The following ZMIZ1 variants were observed in gnomAD, a reference collection of about 807,000 sequenced individuals.
The protein encoded by ZMIZ1 is zinc finger MIZ-type containing 1, also known as zinc finger MIZ domain-containing protein 1.
ZMIZ1 carries 17 observed loss-of-function variants against 113.9 expected under a neutral mutation model. The observed-to-expected ratio is 0.15, with a 90% CI of 0.10 to 0.22. The LOEUF is 0.22. ZMIZ1 is among the 10% of genes least tolerant of loss of function. The pLI, the probability that ZMIZ1 is intolerant of heterozygous loss-of-function variation, is 1.00. For synonymous variants in ZMIZ1, 607 were observed against 603.1 expected, an observed-to-expected ratio of 1.01 and a Z score of -0.09; for missense variants, 1,059 against 1,477.8, an observed-to-expected ratio of 0.72 and a Z score of 4.65.
intron 1 of ZMIZ1, among the ~76,000 whole-genome samples, chr10:79,104,769 G>A (rs59232207): frequency 1.3e-5 from 2 of 152,282 alleles, no homozygotes; most frequent in East Asian, 1.9e-4. Flanking sequence ...CGCTGGCCAC[G>A]GCACTCTGAG....
intron 3 of ZMIZ1, among the ~76,000 whole-genome samples, chr10:79,147,701 C>G (rs1362854566): frequency 1.3e-5 from 2 of 152,218 alleles, no homozygotes; most frequent in African/African-American, 4.8e-5. Flanking sequence ...CACTGCCATT[C>G]CAGGAGGATG....
At chr10:79,266,674 C>T (rs554577598) in intron 7 of ZMIZ1, among the ~76,000 whole-genome samples, 24 of 152,234 alleles carry the variant, frequency 1.6e-4, no homozygotes, top group East Asian at 5.8e-4. Context: ...GCCCCCGGTC[C>T]GAGGACTGTG....
At chr10:79,298,302 G>C in intron 14 of ZMIZ1, 104 bp from the exon 15 acceptor site, 1 of 1,297,744 alleles carries the variant, frequency 7.7e-7, no homozygotes, top group Non-Finnish European at 1.1e-6. Flanking sequence ...CTCCCGAGGG[G>C]CATGGCTCCA....
intron 7 of ZMIZ1, among the ~76,000 whole-genome samples, chr10:79,217,279 G>C (rs2132717181): frequency 6.6e-6 from 1 of 152,292 alleles, no homozygotes; most frequent in East Asian, 1.9e-4. Context: ...AAAAAAATTA[G>C]CCGGGTGTGG....
intron 4 of ZMIZ1, among the ~76,000 whole-genome samples, chr10:79,164,876 C>T (rs778334566): frequency 4.6e-5 from 7 of 152,110 alleles, no homozygotes; most frequent in Admixed American, 1.3e-4. Flanking sequence ...CTGCACTGAT[C>T]GGGAGGAAGC....
rs138671574 is a variant in ZMIZ1, at chr10:79,291,398, G to T, written c.758+222G>T. 9.3e-3 allele frequency among the ~76,000 whole-genome samples: 1,422 copies of T among 152,384 alleles called. 25 individuals carry two copies. The highest frequency in any genetic ancestry group is 0.032 in the African/African-American group (1,311 of 41,602). On this transcript the variant is annotated intron_variant, in intron 10 of 24. Transcript: ENST00000334512. Reference sequence around the variant, plus strand: ...CTGTGTTCTGACAGTCGTCAGACTCGTAGAAATAGAGAGGTGACATTCTTA... The same window carrying T: ...CTGTGTTCTGACAGTCGTCAGACTCTTAGAAATAGAGAGGTGACATTCTTA...
At chr10:79,137,701 A>G (rs913478062) in intron 2 of ZMIZ1, among the ~76,000 whole-genome samples, 3 of 152,108 alleles carry the variant, frequency 2.0e-5, no homozygotes, top group Admixed American at 1.3e-4. Context: ...TTGCACCTGG[A>G]AGGGCTAGGG....
rs1589386608 is a variant in ZMIZ1 at position 79,181,145 on chromosome 10, C to T, written c.-50+19012C>T. Among the ~76,000 whole-genome samples, 4 of 152,252 alleles carry T rather than the reference C, an allele frequency of 2.6e-5. No homozygotes were observed. The South Asian group carries it at 8.3e-4, about 32-fold the overall frequency. On this transcript the variant is annotated intron_variant, in intron 4 of 24. Transcript: ENST00000334512. ...GTGTGGCCCTGCGTCCTGAGTCTCC[C>T]TGCTAGAGCAGGCTTGGGCAGGAGC...
At chr10:79,255,407 C>T (rs1850823976) in intron 7 of ZMIZ1, among the ~76,000 whole-genome samples, 2 of 152,236 alleles carry the variant, frequency 1.3e-5, no homozygotes, top group African/African-American at 2.4e-5. Context: ...TCTGCTGAAG[C>T]ATGGGTATGA....
intron 7 of ZMIZ1, among the ~76,000 whole-genome samples, chr10:79,223,395 G>A (rs1849069558): frequency 6.6e-6 from 1 of 152,332 alleles, no homozygotes; most frequent in South Asian, 2.1e-4. Flanking sequence ...CTTCTTCCTG[G>A]ACACCGGCCC....
chr10:79,305,395 G>A, intron 20 of ZMIZ1, 138 bp from the exon 21 acceptor site: 1 of 1,217,174 alleles, frequency 8.2e-7, no homozygotes, highest in Non-Finnish European at 1.2e-6. Flanking sequence ...GTATCACGCG[G>A]TCAGAGTCCC....
rs564442191 is a variant in ZMIZ1, at chr10:79,170,541, G to A, written c.-50+8408G>A. On this transcript the variant is annotated intron_variant, in intron 4 of 24. Coordinates refer to ENST00000334512, the MANE Select transcript of ZMIZ1 (RefSeq NM_020338.4). ...AGGCCCTAACTCTGCAGGCATTAGCGGAGTCCACTCAGATCTGAGATCTTT... is the reference window on the plus strand; with the variant it reads ...AGGCCCTAACTCTGCAGGCATTAGCAGAGTCCACTCAGATCTGAGATCTTT... Among the ~76,000 whole-genome samples, 21 of 152,284 alleles carry A rather than the reference G, an allele frequency of 1.4e-4. No homozygotes were observed. In the East Asian group the frequency reaches 3.7e-3, roughly 27 times the overall value.
chr10:79,150,428 C>T (rs1252704344), intron 3 of ZMIZ1, among the ~76,000 whole-genome samples: 1 of 152,264 alleles, frequency 6.6e-6, no homozygotes, highest in African/African-American at 2.4e-5. Flanking sequence ...GCCCGTCCTG[C>T]ACCCCCCACA....
Position 79,118,461 on chromosome 10 carries a change from A to T in ZMIZ1, c.-336-454A>T, listed in dbSNP as rs118096364. Among the ~76,000 whole-genome samples the T allele has an allele frequency of 1.8e-3, 277 of 152,318 alleles. 3 individuals are homozygous for T. Among genetic ancestry groups the T allele is most frequent in the Non-Finnish European group, 3.2e-3 (220 of 68,036 alleles). ...TGGCCAGGCGCACAGCCCACTGGAG[A>T]TGAACAAGCAAGGAGGGGCTGGTGA... On this transcript the variant is annotated intron_variant, in intron 1 of 24. Transcript: ENST00000334512. The surrounding 1 kb of genome is among the most constrained non-coding windows in gnomAD (Gnocchi z 4.1).
chr10:79,149,687 G>A (rs1170309722), intron 3 of ZMIZ1, among the ~76,000 whole-genome samples: 2 of 152,190 alleles, frequency 1.3e-5, no homozygotes, highest in Non-Finnish European at 2.9e-5. Flanking sequence ...GGCCCCGTGG[G>A]GTGGCACGCC....
At chr10:79,154,806 A>G (rs1845841583) in intron 3 of ZMIZ1, among the ~76,000 whole-genome samples, 1 of 152,182 alleles carries the variant, frequency 6.6e-6, no homozygotes, top group Non-Finnish European at 1.5e-5. Context: ...TCTCGGACTC[A>G]TCTTCCCAGA....
At position 79,300,728 on chromosome 10, in the gene ZMIZ1, C is replaced by G. The variant is rs747611925; in HGVS notation, c.1809-4C>G. On this transcript the variant is annotated splice_region_variant and splice_polypyrimidine_tract_variant and intron_variant, in intron 16 of 24. Coordinates refer to ENST00000334512, the MANE Select transcript of ZMIZ1 (RefSeq NM_020338.4). ...TGCCCTGAGCACCCTCGTTCCCCAC[C>G]TAGGTCTGACCTGGAGCTGCAGTTC... The G allele has an allele frequency of 6.2e-7, 1 of 1,613,356 alleles. No homozygotes were observed. Among genetic ancestry groups the G allele is most frequent in the African/African-American group, 1.3e-5 (1 of 74,888 alleles).
chr10:79,154,027 T>C (rs919994577), intron 3 of ZMIZ1, among the ~76,000 whole-genome samples: 1 of 152,164 alleles, frequency 6.6e-6, no homozygotes, highest in African/African-American at 2.4e-5. Flanking sequence ...ACAGTGCCTG[T>C]GCCCTTCAGT....
intron 5 of ZMIZ1, among the ~76,000 whole-genome samples, chr10:79,201,908 C>T (rs1375937576): frequency 1.3e-5 from 2 of 151,924 alleles, no homozygotes; most frequent in Non-Finnish European, 1.5e-5. Flanking sequence ...CCACACCCTT[C>T]CCAGCTGTGT....
Sources: gnomAD v4.1 joint callset for allele counts (sites outside exome capture counted in the v4.1 genomes callset) on GRCh38, gnomAD v4.1.1 for gene constraint, Gnocchi (gnomAD v3.1) non-coding constraint, MANE v1.5 for transcripts, NCBI Gene and HGNC (gene_info 2026-07-23, HGNC 2026-07-21) for gene names.